Variants in GABRB1 observed in about 807,000 individuals in gnomAD.
The protein encoded by GABRB1 is gamma-aminobutyric acid receptor subunit beta-1.
A neutral mutation model predicts 51.6 loss-of-function variants in GABRB1; 17 were observed. That is an observed-to-expected ratio of 0.33 (90% CI 0.23 to 0.49). The LOEUF is 0.49. GABRB1 is among the 20% of genes least tolerant of loss of function. The pLI is 0.99. For missense variants in GABRB1, 410 were observed against 600.6 expected (o/e 0.68, Z 3.32); for synonymous variants, 247 against 218.9 (o/e 1.13, Z -1.14).
intron 8 of GABRB1, among the ~76,000 whole-genome samples, chr4:47,413,663 C>T (rs1337626613): frequency 6.6e-6 from 1 of 152,144 alleles, no homozygotes; most frequent in East Asian, 1.9e-4. Context: ...CAGTATTTGC[C>T]TTGGTTCACT....
rs768248621 is a variant in GABRB1, at chr4:47,403,410, A to G, written c.637A>G (p.Ile213Val). The G allele has an allele frequency of 1.2e-6, 2 of 1,614,100 alleles. No individual in the cohort carries two copies. The highest frequency in any genetic ancestry group is 2.2e-5 in the East Asian group (1 of 44,880). ...VNKIELPQFS[I>V]VDYKMVSKKV... ...TAAAATCGAACTTCCTCAATTTTCA[A>G]TTGTTGACTACAAGATGGTGTCTAA... The change falls in exon 6 of 9, where the codon ATT becomes GTT. Residue 213 changes from isoleucine to valine, a missense_variant. By Grantham distance (29) the Ile-to-Val change is conservative. Around this residue, in one of 5 missense-constraint regions of GABRB1, gnomAD observed 36 missense variants for 39.7 expected, o/e 0.91. Coordinates refer to ENST00000295454, the MANE Select transcript of GABRB1 (RefSeq NM_000812.4).
chr4:47,347,490 G>A (rs1271103861), intron 5 of GABRB1, among the ~76,000 whole-genome samples: 1 of 152,112 alleles, frequency 6.6e-6, no homozygotes, highest in Non-Finnish European at 1.5e-5. Context: ...GTAGCATGAA[G>A]AATGCCGTAT....
At chr4:47,412,129 A>G (rs553449112) in intron 8 of GABRB1, among the ~76,000 whole-genome samples, 148 of 152,280 alleles carry the variant, frequency 9.7e-4, no homozygotes, top group Middle Eastern at 3.4e-3. Context: ...TAAGACTTCC[A>G]TGATAGTGAG....
intron 3 of GABRB1, among the ~76,000 whole-genome samples, chr4:47,049,152 T>C (rs970131477): frequency 1.3e-5 from 2 of 151,986 alleles, no homozygotes; most frequent in Admixed American, 6.6e-5. Context: ...ATCCATGTCA[T>C]GGTTCATAAA....
chr4:47,401,903 T>A (rs1346811561), intron 5 of GABRB1, among the ~76,000 whole-genome samples: 1 of 152,154 alleles, frequency 6.6e-6, no homozygotes, highest in Admixed American at 6.5e-5. Flanking sequence ...TTTCTATGGA[T>A]TTTATTGGCA....
intron 3 of GABRB1, among the ~76,000 whole-genome samples, chr4:47,092,324 C>A (rs962631529): frequency 6.6e-6 from 1 of 151,490 alleles, no homozygotes; most frequent in Non-Finnish European, 1.5e-5. Flanking sequence ...AGGCACACAC[C>A]ACCACGCCTG....
chr4:47,332,651 A>AT (rs1725529204), intron 5 of GABRB1, among the ~76,000 whole-genome samples: 1 of 152,088 alleles, frequency 6.6e-6, no homozygotes, highest in Non-Finnish European at 1.5e-5. Context: ...TAGCACAAGA[A>AT]TTTTTTAAGC....
chr4:47,026,402 A>T (rs1441911957), intron 1 of GABRB1, among the ~76,000 whole-genome samples: 1 of 152,062 alleles, frequency 6.6e-6, no homozygotes, highest in Non-Finnish European at 1.5e-5. Context: ...CTAAATATTT[A>T]TTTTATAAAA....
At chr4:47,095,953 G>C (rs192597485) in intron 3 of GABRB1, among the ~76,000 whole-genome samples, 1 of 152,158 alleles carries the variant, frequency 6.6e-6, no homozygotes, top group African/African-American at 2.4e-5. Flanking sequence ...CAAATATAAA[G>C]TGCTCAGAGT....
chr4:47,347,604 T>C (rs1726148844), intron 5 of GABRB1, among the ~76,000 whole-genome samples: 1 of 151,964 alleles, frequency 6.6e-6, no homozygotes, highest in South Asian at 2.1e-4. Context: ...ATGAACAAAG[T>C]GTTAAGTTTG....
chr4:47,246,491 A>T (rs1380314733), intron 4 of GABRB1, among the ~76,000 whole-genome samples: 1 of 148,542 alleles, frequency 6.7e-6, no homozygotes, highest in African/African-American at 2.5e-5. Context: ...ATAAACATGC[A>T]TATACAAGTA....
intron 5 of GABRB1, among the ~76,000 whole-genome samples, chr4:47,331,268 T>G (rs1725470160): frequency 6.6e-6 from 1 of 152,124 alleles, no homozygotes. Context: ...CAGAATTAAT[T>G]TATTCCTTTT....
chr4:47,058,408 C>T (rs1180701287), intron 3 of GABRB1, among the ~76,000 whole-genome samples: 2 of 152,118 alleles, frequency 1.3e-5, no homozygotes, highest in Non-Finnish European at 2.9e-5. Flanking sequence ...TAAACAAATG[C>T]CTTATAGACA....
intron 4 of GABRB1, among the ~76,000 whole-genome samples, chr4:47,211,148 A>T (rs4695200): frequency 1.3e-5 from 2 of 151,856 alleles, no homozygotes; most frequent in African/African-American, 2.4e-5. Flanking sequence ...TATATTTTTT[A>T]TGAGATTCTT....
intron 5 of GABRB1, among the ~76,000 whole-genome samples, chr4:47,343,511 A>G (rs1211463979): frequency 6.6e-6 from 1 of 152,190 alleles, no homozygotes. Context: ...ATTTGTTTTG[A>G]TGACCTTTCC....
chr4:47,168,990 ACCAGT>A (rs1718324570), intron 4 of GABRB1, among the ~76,000 whole-genome samples: 1 of 151,986 alleles, frequency 6.6e-6, no homozygotes, highest in African/African-American at 2.4e-5. Flanking sequence ...ACCAGCCATC[ACCAGT>A]CATATTGGAT....
chr4:47,172,328 A>T (rs1236644566), intron 4 of GABRB1, among the ~76,000 whole-genome samples: 3 of 152,214 alleles, frequency 2.0e-5, no homozygotes, highest in Non-Finnish European at 4.4e-5. Flanking sequence ...ATATATTTGC[A>T]GTAAGCTTAA....
intron 4 of GABRB1, among the ~76,000 whole-genome samples, chr4:47,201,532 T>A (rs1181559003): frequency 6.6e-6 from 1 of 152,140 alleles, no homozygotes; most frequent in Non-Finnish European, 1.5e-5. Context: ...ATATAGAACA[T>A]ACCCATGCTT....
intron 3 of GABRB1, among the ~76,000 whole-genome samples, chr4:47,044,956 A>G (rs1391843481): frequency 1.3e-5 from 2 of 152,070 alleles, no homozygotes; most frequent in Non-Finnish European, 2.9e-5. Context: ...CAATTGGTAT[A>G]TGGTCCTTCC....
Sources: gnomAD v4.1 joint callset for allele counts (sites outside exome capture counted in the v4.1 genomes callset) on GRCh38, gnomAD v4.1.1 for gene constraint, gnomAD v4.1.1 regional missense constraint, MANE v1.5 for transcripts, NCBI Gene and HGNC (gene_info 2026-07-23, HGNC 2026-07-21) for gene names.